Variants in TMEM232 observed in about 807,000 individuals in gnomAD.
The protein encoded by TMEM232 is transmembrane protein 232.
TMEM232 carries 80 observed loss-of-function variants against 78.8 expected under a neutral mutation model. That is an observed-to-expected ratio of 1.01 (90% confidence interval 0.85 to 1.22). TMEM232 has a LOEUF of 1.22. Ranked by LOEUF, TMEM232 falls within the 50% of genes most tolerant of loss-of-function variation. TMEM232 has a pLI of 0.00. For synonymous variants in TMEM232, 297 were observed against 254.3 expected (o/e 1.17, Z -1.60); for missense variants, 881 against 742.2 (o/e 1.19, Z -2.17).
intron 7 of TMEM232, among the ~76,000 whole-genome samples, chr5:110,623,773 T>G (rs7725089): frequency 0.39 from 59,596 of 151,830 alleles, 16,171 homozygotes; most frequent in African/African-American, 0.77. Context: ...AAAAAGAAGG[T>G]CAATAAACCT....
chr5:110,654,216 C>T (rs969244696), intron 2 of TMEM232, among the ~76,000 whole-genome samples: 1 of 152,180 alleles, frequency 6.6e-6, no homozygotes, highest in Admixed American at 6.6e-5. Flanking sequence ...TGTCACAGTA[C>T]ACATCTGATG....
chr5:110,652,038 G>A (rs1788387464), intron 2 of TMEM232, among the ~76,000 whole-genome samples: 1 of 152,066 alleles, frequency 6.6e-6, no homozygotes, highest in Non-Finnish European at 1.5e-5. Context: ...TGTTTTACAA[G>A]AAGAAATAGG....
chr5:110,528,686 A>C lies in TMEM232; in HGVS notation c.1605T>G (p.Phe535Leu). Residue 535 changes from phenylalanine to leucine, a missense_variant, in exon 12 of 14, where the codon TTT (phenylalanine) becomes TTG (leucine). Phe to Leu is a conservative substitution (Grantham distance 22). Transcript: ENST00000455884. Reference protein sequence around the residue: ...KLFFPPIEAHFLPLKKPSIKK... With the variant: ...KLFFPPIEAHLLPLKKPSIKK... ...TTATTGATGGTTTCTTCAAAGGAAG[A>C]AAATGGGCCTCAATGGGGGGAAAGA... 6.5e-7 allele frequency: 1 copy of C among 1,535,334 alleles called. No homozygotes were observed. The highest frequency in any genetic ancestry group is 8.7e-7 in the Non-Finnish European group (1 of 1,146,486).
upstream of TMEM232, among the ~76,000 whole-genome samples, chr5:110,728,719 T>C (rs978810605): frequency 2.0e-5 from 3 of 150,698 alleles, no homozygotes; most frequent in Non-Finnish European, 4.4e-5. Flanking sequence ...TATACCTATA[T>C]ATATATAATC....
chr5:110,433,107 A>G (rs1396946447), intron 12 of TMEM232, among the ~76,000 whole-genome samples: 2 of 151,766 alleles, frequency 1.3e-5, no homozygotes, highest in East Asian at 3.9e-4. Context: ...TTATAAATTT[A>G]AATTTGACAC....
At chr5:110,526,851 T>C (rs1476143036) in intron 12 of TMEM232, among the ~76,000 whole-genome samples, 1 of 151,872 alleles carries the variant, frequency 6.6e-6, no homozygotes, top group Non-Finnish European at 1.5e-5. Context: ...ATATCCATAA[T>C]AAGGAAAACT....
chr5:110,595,245 C>A (rs1330309830), intron 10 of TMEM232, among the ~76,000 whole-genome samples: 1 of 152,114 alleles, frequency 6.6e-6, no homozygotes, highest in Non-Finnish European at 1.5e-5. Flanking sequence ...TAAAAGGACA[C>A]CCACTCAAAA....
downstream of TMEM232, chr5:110,417,696 G>T (rs1376317262): frequency 6.7e-6 from 1 of 148,860 alleles, no homozygotes; most frequent in East Asian, 2.0e-4. Context: ...GAAAAGAAAG[G>T]AGAGTTAACT....
chr5:110,706,412 T>C (rs891239216), intron 1 of TMEM232, among the ~76,000 whole-genome samples: 1 of 152,170 alleles, frequency 6.6e-6, no homozygotes, highest in Non-Finnish European at 1.5e-5. Context: ...TTATTGATTA[T>C]TTTTCTAATG....
chr5:110,482,787 G>C (rs1764022610), intron 12 of TMEM232, among the ~76,000 whole-genome samples: 1 of 151,620 alleles, frequency 6.6e-6, no homozygotes, highest in Admixed American at 6.6e-5. Flanking sequence ...TAGGTAGTGG[G>C]ATTATATATT....
intron 12 of TMEM232, among the ~76,000 whole-genome samples, chr5:110,480,328 CTTTA>C (rs1763723050): frequency 6.6e-6 from 1 of 151,742 alleles, no homozygotes; most frequent in Non-Finnish European, 1.5e-5. Context: ...TTCATTTATC[CTTTA>C]TTTATATGCA....
intron 12 of TMEM232, among the ~76,000 whole-genome samples, chr5:110,474,241 G>C (rs986044058): frequency 1.3e-5 from 2 of 151,678 alleles, no homozygotes; most frequent in Non-Finnish European, 2.9e-5. Context: ...AATGTCACAT[G>C]GTACCCCATA....
upstream of TMEM232, among the ~76,000 whole-genome samples, chr5:110,728,347 T>C (rs1178674034): frequency 6.6e-6 from 1 of 151,902 alleles, no homozygotes; most frequent in East Asian, 1.9e-4. Context: ...AAAATTTATA[T>C]ATGATAAATT....
intron 12 of TMEM232, among the ~76,000 whole-genome samples, chr5:110,493,734 A>G (rs2149425501): frequency 6.6e-6 from 1 of 152,028 alleles, no homozygotes; most frequent in East Asian, 1.9e-4. Context: ...ACAGACACAT[A>G]TTTTTTATGA....
intron 9 of TMEM232, 102 bp from the exon 10 acceptor site, chr5:110,605,460 A>C: frequency 7.6e-7 from 1 of 1,308,856 alleles, no homozygotes; most frequent in Non-Finnish European, 1.0e-6. Context: ...TAATAAACTA[A>C]TATATCTAAA....
At chr5:110,711,075 T>A (rs1166549345) in intron 1 of TMEM232, among the ~76,000 whole-genome samples, 1 of 152,118 alleles carries the variant, frequency 6.6e-6, no homozygotes, top group East Asian at 1.9e-4. Flanking sequence ...AGTTGCAGAA[T>A]ACAAATAAAT....
intron 12 of TMEM232, among the ~76,000 whole-genome samples, chr5:110,469,071 T>G (rs1171528334): frequency 6.6e-6 from 1 of 152,124 alleles, no homozygotes; most frequent in Non-Finnish European, 1.5e-5. Context: ...GAACCTAAAG[T>G]TCTCACCACT....
At chr5:110,399,693 C>G (rs1377230140) in intron 2 of TMEM232, among the ~76,000 whole-genome samples, 1 of 152,066 alleles carries the variant, frequency 6.6e-6, no homozygotes, top group African/African-American at 2.4e-5. Context: ...GGTTCTGAAG[C>G]TTTTAAGCTC....
chr5:110,513,123 A>G (rs997628273), intron 12 of TMEM232, among the ~76,000 whole-genome samples: 3 of 152,206 alleles, frequency 2.0e-5, no homozygotes, highest in African/African-American at 7.2e-5. Flanking sequence ...GGAAGATGTA[A>G]CAGATAGATA....
Sources: gnomAD v4.1 joint callset for allele counts (sites outside exome capture counted in the v4.1 genomes callset) on GRCh38, gnomAD v4.1.1 for gene constraint, MANE v1.5 for transcripts, NCBI Gene and HGNC (gene_info 2026-07-23, HGNC 2026-07-21) for gene names.